ISM1: variants seen among roughly 807,000 people sequenced by gnomAD.
ISM1 encodes isthmin-1.
ISM1 carries 25 observed loss-of-function variants against 46.3 expected under a neutral mutation model. That is an observed-to-expected ratio of 0.54 (90% CI 0.39 to 0.75). ISM1 has a LOEUF of 0.75. Ranked by LOEUF, ISM1 falls within the 30% of genes least tolerant of loss-of-function variation. The pLI is 0.00. For missense variants in ISM1, 536 were observed against 625.4 expected, an observed-to-expected ratio of 0.86 and a Z score of 1.52; for synonymous variants, 255 against 256.7, an observed-to-expected ratio of 0.99 and a Z score of 0.06.
chr20:13,265,982 C>T (rs556545598), intron 1 of ISM1, among the ~76,000 whole-genome samples: 3 of 152,312 alleles, frequency 2.0e-5, no homozygotes, highest in Admixed American at 6.5e-5. Context: ...CCTCATTTCA[C>T]GTCAAGCCTT....
chr20:13,270,767 G>A (rs1368520116), intron 2 of ISM1, 24 bp downstream of exon 2: 1 of 1,605,934 alleles, frequency 6.2e-7, no homozygotes, highest in African/African-American at 1.3e-5. Flanking sequence ...CCTGGAAGAT[G>A]GGAGATAACA....
chr20:13,277,409 A>C (rs1393388904), intron 2 of ISM1, among the ~76,000 whole-genome samples: 1 of 105,416 alleles, frequency 9.5e-6, no homozygotes, highest in Non-Finnish European at 2.0e-5. Flanking sequence ...GTTGCAGCTC[A>C]GTTCCCTCAG....
intron 1 of ISM1, among the ~76,000 whole-genome samples, chr20:13,225,727 C>T (rs1477887071): frequency 6.6e-6 from 1 of 152,118 alleles, no homozygotes; most frequent in African/African-American, 2.4e-5. Flanking sequence ...AAACTATCTG[C>T]AGTAGCTGCA....
At chr20:13,232,521 CCAT>C (rs1384133897) in intron 1 of ISM1, among the ~76,000 whole-genome samples, 1 of 152,208 alleles carries the variant, frequency 6.6e-6, no homozygotes. Flanking sequence ...GGATATACCA[CCAT>C]ATGTTTACCC....
At chr20:13,322,500 C>G in the ISM1 span, among the ~76,000 whole-genome samples, 1 of 152,132 alleles carries the variant, frequency 6.6e-6, no homozygotes, top group South Asian at 2.1e-4. Flanking sequence ...CTGGACCAGA[C>G]GAGGTCCATA....
At chr20:13,323,520 T>C in the ISM1 span, among the ~76,000 whole-genome samples, 1 of 152,238 alleles carries the variant, frequency 6.6e-6, no homozygotes. Flanking sequence ...AAAAAACAGA[T>C]AAATGCTTCA....
At chr20:13,311,487 A>C in the ISM1 span, among the ~76,000 whole-genome samples, 1 of 152,208 alleles carries the variant, frequency 6.6e-6, no homozygotes, top group African/African-American at 2.4e-5. Context: ...CTGCATCTTC[A>C]TGTTCATTGC....
chr20:13,279,951 A>G, intron 3 of ISM1, 53 bp downstream of exon 3: 1 of 1,548,968 alleles, frequency 6.5e-7, no homozygotes, highest in Non-Finnish European at 8.8e-7. Context: ...AACGAGGATG[A>G]TGCCTTGGAC....
rs1467410820 is a variant in ISM1, at chr20:13,221,758, A to T, written c.-19A>T. The T allele has an allele frequency of 7.0e-7, 1 of 1,425,948 alleles. No homozygotes were observed. 88.3% of individuals were successfully genotyped at this position (1,425,948 alleles called of 1,614,324 possible). A position where few individuals can be genotyped will look rare whatever the true frequency, so the allele number is the denominator to read the frequency against. ...CGCCGGCCGCCGCGCCGGGTCCTAA[A>T]GCCGCGCGTCTCAAAAGGATGGTGC... is the stretch of plus-strand genomic sequence containing the variant. On this transcript the variant is annotated 5_prime_UTR_variant, in exon 1 of 6. It adds an upstream start codon to the 5' untranslated region. Transcript: ENST00000262487.
At chr20:13,251,561 G>A (rs894875085) in intron 1 of ISM1, among the ~76,000 whole-genome samples, 2 of 152,216 alleles carry the variant, frequency 1.3e-5, no homozygotes, top group Non-Finnish European at 2.9e-5. Flanking sequence ...GAGAGAAAGT[G>A]AGGTGCAGGG....
At chr20:13,267,141 C>G (rs1215442900) in intron 1 of ISM1, among the ~76,000 whole-genome samples, 1 of 152,122 alleles carries the variant, frequency 6.6e-6, no homozygotes, top group Non-Finnish European at 1.5e-5. Context: ...CTAGGATTTC[C>G]AATTTCTTAA....
chr20:13,315,165 T>G, the ISM1 span, among the ~76,000 whole-genome samples: 6 of 152,022 alleles, frequency 3.9e-5, no homozygotes, highest in Non-Finnish European at 7.4e-5. Flanking sequence ...TAAAAAATAG[T>G]AATAAATATG....
At chr20:13,237,669 T>C (rs2039667475) in intron 1 of ISM1, 1 of 152,190 alleles carries the variant, frequency 6.6e-6, no homozygotes, top group Non-Finnish European at 1.5e-5. Flanking sequence ...CATTGAGTTG[T>C]AGAGTTATAT....
chr20:13,237,823 C>T (rs2039669615), intron 1 of ISM1: 1 of 152,174 alleles, frequency 6.6e-6, no homozygotes, highest in Non-Finnish European at 1.5e-5. Flanking sequence ...TCTCTGGGCT[C>T]CCTGATGTGC....
At chr20:13,305,608 C>T (rs962772720), downstream of ISM1, among the ~76,000 whole-genome samples, 17 of 152,162 alleles carry the variant, frequency 1.1e-4, no homozygotes, top group Non-Finnish European at 5.9e-5. Context: ...TGGGTATATA[C>T]AGAAACATAC....
At chr20:13,289,278 C>T (rs1357005720) in intron 4 of ISM1, among the ~76,000 whole-genome samples, 1 of 152,110 alleles carries the variant, frequency 6.6e-6, no homozygotes, top group Non-Finnish European at 1.5e-5. Flanking sequence ...TGAAGAGAAA[C>T]AGAAGGCAGA....
chr20:13,312,790 C>T, the ISM1 span, among the ~76,000 whole-genome samples: 1 of 152,114 alleles, frequency 6.6e-6, no homozygotes, highest in Admixed American at 6.5e-5. Context: ...AAATGAGGAC[C>T]CTGAAGCTCA....
intron 1 of ISM1, among the ~76,000 whole-genome samples, chr20:13,255,927 T>G (rs1249785659): frequency 8.6e-5 from 5 of 58,100 alleles, no homozygotes; most frequent in Admixed American, 3.2e-4. Context: ...TTCCTGGGGT[T>G]TTTTTTTTTG....
chr20:13,308,775 G>C, the ISM1 span, among the ~76,000 whole-genome samples: 1 of 152,170 alleles, frequency 6.6e-6, no homozygotes, highest in African/African-American at 2.4e-5. Context: ...AACCCCCAAA[G>C]TTATGATATT....
Sources: allele counts gnomAD v4.1 joint callset (sites outside exome capture counted in the v4.1 genomes callset), GRCh38; gene constraint gnomAD v4.1.1; transcripts MANE v1.5; gene names NCBI Gene and HGNC (gene_info 2026-07-23, HGNC 2026-07-21).